Variants in TM2D1 observed in about 807,000 individuals in gnomAD.
TM2D1 encodes the protein TM2 domain containing 1.
In TM2D1, 15 loss-of-function variants were observed where a neutral mutation model predicts 28.4. The ratio of observed to expected loss-of-function variants is 0.53; its 90% confidence interval spans 0.35 to 0.81. TM2D1 has a LOEUF of 0.81. TM2D1 is among the 40% of genes least tolerant of loss of function. The probability of loss-of-function intolerance (pLI) is 0.01; values close to 1 mark genes in which losing one functional copy is unlikely to be tolerated. For synonymous variants in TM2D1, 93 were observed against 96.2 expected (o/e 0.97, Z 0.20); for missense variants, 236 against 254.9 (o/e 0.93, Z 0.50).
At chr1:61,700,807 C>A (rs1319840684) in intron 4 of TM2D1, 127 bp downstream of exon 4, 5 of 661,864 alleles carry the variant, frequency 7.6e-6, no homozygotes, top group African/African-American at 1.8e-5. Context: ...CACAGAAGAA[C>A]ATTAACTACT....
chr1:61,714,309 G>A (rs897768621), intron 2 of TM2D1, among the ~76,000 whole-genome samples: 6 of 151,752 alleles, frequency 4.0e-5, no homozygotes, highest in Non-Finnish European at 5.9e-5. Context: ...TTGGGAGGCC[G>A]AGGTGGGTGG....
rs534892269 is a variant in TM2D1 at position 61,691,258 on chromosome 1, G to A, written c.513+3439C>T. On this transcript the variant is annotated intron_variant, in intron 5 of 6. Transcript: ENST00000606498. ...CACTTGTAATCCCAGCACTTTGGAA[G>A]GCAAAGGCGGGCGGATCACCTGAGG... Among the ~76,000 whole-genome samples the A allele has an allele frequency of 8.1e-4, 123 of 152,196 alleles. 1 individual carries two copies. Among genetic ancestry groups the A allele is most frequent in the African/African-American group, 2.9e-3 (120 of 41,536 alleles).
At chr1:61,700,549 C>G (rs1239610471) in intron 4 of TM2D1, among the ~76,000 whole-genome samples, 2 of 152,158 alleles carry the variant, frequency 1.3e-5, no homozygotes, top group Non-Finnish European at 2.9e-5. Flanking sequence ...TTTCTAATCC[C>G]AGGGCAATGG....
rs1472006785 is a variant in TM2D1, at chr1:61,683,445, T to C, written c.615A>G (p.Leu205=). 9 of 1,369,188 alleles carry C rather than the reference T, an allele frequency of 6.6e-6. No homozygotes were observed. Among genetic ancestry groups the C allele is most frequent in the Non-Finnish European group, 8.9e-6 (9 of 1,012,128 alleles). 84.8% of individuals were successfully genotyped at this position (1,369,188 alleles called of 1,614,324 possible). Reference sequence around the variant, plus strand: ...TTCTTTTAAAAAATATTTATGGATATAATTGCGTTTTTCTAAATGTTTCAT... The same window carrying C: ...TTCTTTTAAAAAATATTTATGGATACAATTGCGTTTTTCTAAATGTTTCAT... ...ITNETFRKTQ[L]YP The change falls in exon 6 of 7, where the codon TTA becomes TTG. Residue 205 remains leucine (L), a synonymous_variant. Transcript: ENST00000606498.
chr1:61,709,938 G>A (rs918457653), intron 2 of TM2D1, among the ~76,000 whole-genome samples: 8 of 152,090 alleles, frequency 5.3e-5, no homozygotes, highest in African/African-American at 1.9e-4. Context: ...TTCCCTCTGG[G>A]GTTTGATATA....
intron 2 of TM2D1, among the ~76,000 whole-genome samples, chr1:61,715,036 T>C (rs992926214): frequency 6.6e-6 from 1 of 152,192 alleles, no homozygotes; most frequent in East Asian, 1.9e-4. Context: ...GGTACCATCG[T>C]GACGGGAAAA....
intron 5 of TM2D1, among the ~76,000 whole-genome samples, chr1:61,692,498 GAA>G (rs1310313458): frequency 1.4e-5 from 2 of 143,494 alleles, no homozygotes; most frequent in Non-Finnish European, 3.1e-5. Context: ...GAAAGAAAAA[GAA>G]AGAGAAAGAG....
At chr1:61,701,951 G>T (rs969372229) in intron 3 of TM2D1, among the ~76,000 whole-genome samples, 5 of 152,160 alleles carry the variant, frequency 3.3e-5, no homozygotes, top group African/African-American at 1.2e-4. Context: ...AGCACTTTGG[G>T]AGGCCGAGGC....
chr1:61,723,548 G>T (rs72927609), intron 2 of TM2D1, among the ~76,000 whole-genome samples, 165 bp downstream of exon 2: 2 of 151,946 alleles, frequency 1.3e-5, no homozygotes, highest in African/African-American at 2.4e-5. Flanking sequence ...ATTAAATACT[G>T]ACAACCTCTA....
chr1:61,683,921 C>CT (rs35016668), intron 5 of TM2D1: 2,216 of 159,310 alleles, frequency 0.014, 46 homozygotes, highest in African/African-American at 0.05. Flanking sequence ...AGAAAGTAAA[C>CT]TTTTCTTCCC....
intron 6 of TM2D1, among the ~76,000 whole-genome samples, chr1:61,682,160 T>C (rs1644249033): frequency 6.6e-6 from 1 of 152,188 alleles, no homozygotes; most frequent in Non-Finnish European, 1.5e-5. Context: ...ATATCCTGTT[T>C]CTGTTCTACA....
At position 61,693,058 on chromosome 1, in the gene TM2D1, G is replaced by A. The variant is rs1263611721; in HGVS notation, c.513+1639C>T. Among the ~76,000 whole-genome samples, 5 of 152,052 alleles carry A rather than the reference G, an allele frequency of 3.3e-5. No homozygotes were observed. The South Asian group carries it at 6.2e-4, about 19-fold the overall frequency. ...AGGAGACCAGCCTGGGCAACATGGG[G>A]AAACCTTGTCTCTTCAGAATATACA... On this transcript the variant is annotated intron_variant, in intron 5 of 6. Coordinates refer to ENST00000606498, the MANE Select transcript of TM2D1 (RefSeq NM_032027.3).
intron 4 of TM2D1, chr1:61,699,398 A>G (rs1644386739): frequency 6.6e-6 from 1 of 152,182 alleles, no homozygotes; most frequent in Admixed American, 6.6e-5. Flanking sequence ...TCTGATACCT[A>G]AAAGGATAAC....
At chr1:61,704,023 T>C (rs537880319) in intron 3 of TM2D1, among the ~76,000 whole-genome samples, 2 of 152,010 alleles carry the variant, frequency 1.3e-5, no homozygotes, top group Admixed American at 1.3e-4. Context: ...CCTCAACTGC[T>C]GGGATTACAG....
chr1:61,691,942 T>TATATATATATATATATATATAC (rs1557527356), intron 5 of TM2D1, among the ~76,000 whole-genome samples: 25 of 114,612 alleles, frequency 2.2e-4, no homozygotes, highest in Non-Finnish European at 7.4e-5. Flanking sequence ...AATATATATA[T>TATATATATATATATATATATAC]ATATATATAT....
intron 2 of TM2D1, among the ~76,000 whole-genome samples, chr1:61,712,326 A>C (rs1644484595): frequency 6.6e-6 from 1 of 152,228 alleles, no homozygotes; most frequent in Non-Finnish European, 1.5e-5. Context: ...AATTTTTATA[A>C]ACTATATATG....
chr1:61,710,840 A>AAT (rs1644473607), intron 2 of TM2D1, among the ~76,000 whole-genome samples: 3 of 152,168 alleles, frequency 2.0e-5, no homozygotes, highest in African/African-American at 7.2e-5. Flanking sequence ...TTTAGGCAAG[A>AAT]ATAGTACACT....
chr1:61,704,332 A>G (rs951087811), intron 3 of TM2D1, among the ~76,000 whole-genome samples: 6 of 152,202 alleles, frequency 3.9e-5, no homozygotes, highest in African/African-American at 1.4e-4. Context: ...CAAGCATATC[A>G]AGACTTAAGG....
At chr1:61,722,430 G>T (rs920874483) in intron 2 of TM2D1, among the ~76,000 whole-genome samples, 2 of 152,088 alleles carry the variant, frequency 1.3e-5, no homozygotes, top group Non-Finnish European at 2.9e-5. Flanking sequence ...GTGCAATGGC[G>T]CGATCTCGGC....
Sources: gnomAD v4.1 joint callset for allele counts (sites outside exome capture counted in the v4.1 genomes callset) on GRCh38, gnomAD v4.1.1 for gene constraint, MANE v1.5 for transcripts, NCBI Gene and HGNC (gene_info 2026-07-23, HGNC 2026-07-21) for gene names.